EFCAB5: variants seen among roughly 807,000 people sequenced by gnomAD.
The protein encoded by EFCAB5 is EF-hand calcium binding domain 5, also known as EF-hand calcium-binding domain-containing protein 5.
Under a neutral mutation model 167.9 loss-of-function variants are expected in EFCAB5, and 131 were observed. That is an observed-to-expected ratio of 0.78 (90% CI 0.68 to 0.90). EFCAB5 has a LOEUF of 0.90. Among genes scored for constraint, EFCAB5 ranks in the 40% least tolerant of loss-of-function variants. The pLI is 0.00. For synonymous variants in EFCAB5, 574 were observed against 602.8 expected (o/e 0.95, Z 0.70); for missense variants, 1,663 against 1,745.2 (o/e 0.95, Z 0.84).
intron 22 of EFCAB5, among the ~76,000 whole-genome samples, chr17:30,104,329 G>T (rs2071418359): frequency 6.6e-6 from 1 of 152,172 alleles, no homozygotes; most frequent in Non-Finnish European, 1.5e-5. Context: ...AGTGTTAAAA[G>T]CAGGGATCCA....
At chr17:30,084,449 C>T (rs1325140316) in intron 18 of EFCAB5, among the ~76,000 whole-genome samples, 5 of 152,280 alleles carry the variant, frequency 3.3e-5, no homozygotes, top group African/African-American at 4.8e-5. Context: ...ATGACTTCAG[C>T]GGCTGTAAGT....
chr17:30,029,988 A>T lies in EFCAB5; in HGVS notation c.1045-4242A>T, dbSNP rs151085710. 4.1e-3 allele frequency among the ~76,000 whole-genome samples: 629 copies of T among 152,364 alleles called. 5 individuals carry two copies. Among genetic ancestry groups the T allele is most frequent in the African/African-American group, 0.014 (597 of 41,578 alleles). Reference sequence around the variant, plus strand: ...ACATAGAGATAACTTGACTAAGTACAGTTCAAATGTTTAACATCTCACAGA... The same window carrying T: ...ACATAGAGATAACTTGACTAAGTACTGTTCAAATGTTTAACATCTCACAGA... On this transcript the variant is annotated intron_variant, in intron 7 of 22. Transcript: ENST00000394835.
chr17:30,030,333 G>A (rs562344982), intron 7 of EFCAB5, among the ~76,000 whole-genome samples: 2 of 151,272 alleles, frequency 1.3e-5, no homozygotes, highest in Admixed American at 6.6e-5. Context: ...TCAGAAAAAG[G>A]TTTGTTTGTT....
At chr17:30,086,921 T>TGG in intron 18 of EFCAB5, 142 bp from the exon 19 acceptor site, 1 of 611,644 alleles carries the variant, frequency 1.6e-6, no homozygotes, top group Non-Finnish European at 2.7e-6. Context: ...TGTTCTCTAA[T>TGG]GGTACTAAGT....
At chr17:29,999,644 A>G (rs2068620115) in intron 6 of EFCAB5, among the ~76,000 whole-genome samples, 1 of 152,012 alleles carries the variant, frequency 6.6e-6, no homozygotes, top group Admixed American at 6.6e-5. Flanking sequence ...TGATGTGCAT[A>G]TTTATTTCTG....
chr17:29,994,176 A>ATATATATG (rs1491374562), intron 5 of EFCAB5, among the ~76,000 whole-genome samples: 4 of 120,788 alleles, frequency 3.3e-5, no homozygotes, highest in African/African-American at 1.3e-4. Context: ...ATATATATAT[A>ATATATATG]TGTGATATAT....
chr17:30,034,089 T>A, intron 7 of EFCAB5, 141 bp from the exon 8 acceptor site: 4 of 988,928 alleles, frequency 4.0e-6, no homozygotes, highest in Non-Finnish European at 4.3e-6. Context: ...AGCATGAAAA[T>A]GCTTCATCTA....
At chr17:30,085,995 C>A (rs772435849) in intron 18 of EFCAB5, among the ~76,000 whole-genome samples, 2 of 151,906 alleles carry the variant, frequency 1.3e-5, no homozygotes, top group Non-Finnish European at 2.9e-5. Context: ...AATTAGTTAT[C>A]TTTATTTTTA....
chr17:30,070,500 T>C (rs1213484024), intron 14 of EFCAB5, among the ~76,000 whole-genome samples: 2 of 151,956 alleles, frequency 1.3e-5, no homozygotes, highest in Non-Finnish European at 2.9e-5. Context: ...CATAGACCAA[T>C]GGAACAGAAT....
chr17:30,012,010 A>G (rs1285276639), intron 7 of EFCAB5, among the ~76,000 whole-genome samples: 3 of 152,154 alleles, frequency 2.0e-5, no homozygotes, highest in African/African-American at 7.2e-5. Flanking sequence ...CCATACAGAG[A>G]TAGGAGCTGA....
At chr17:30,071,972 T>G (rs953079411) in intron 14 of EFCAB5, among the ~76,000 whole-genome samples, 2 of 152,144 alleles carry the variant, frequency 1.3e-5, no homozygotes, top group African/African-American at 4.8e-5. Flanking sequence ...GAAAGTAGAA[T>G]AGTGATTACT....
Position 30,090,610 on chromosome 17 carries a change from C to A in EFCAB5, c.3873C>A (p.Val1291=). Residue 1291 remains valine (V), a synonymous_variant, in exon 20 of 23, where the codon GTC becomes GTA. Transcript: ENST00000394835. Reference sequence around the variant, plus strand: ...ATCTACAGAAAATGATGAAAGTGGTCCAAGTGGCCTGCTATGAAATACTTG... The same window carrying A: ...ATCTACAGAAAATGATGAAAGTGGTACAAGTGGCCTGCTATGAAATACTTG... ...YKDLQKMMKV[V]QVACYEILGE... The A allele has an allele frequency of 1.2e-6, 2 of 1,613,794 alleles. No homozygotes were observed. Among genetic ancestry groups the A allele is most frequent in the South Asian group, 2.2e-5 (2 of 91,058 alleles).
chr17:30,067,374 G>C (rs377407663), intron 14 of EFCAB5, among the ~76,000 whole-genome samples: 6 of 152,130 alleles, frequency 3.9e-5, no homozygotes, highest in Admixed American at 6.5e-5. Flanking sequence ...CAGCACTTTG[G>C]GGGGCCAGGG....
chr17:29,972,220 T>G (rs548487895), intron 4 of EFCAB5, among the ~76,000 whole-genome samples: 23 of 150,030 alleles, frequency 1.5e-4, no homozygotes, highest in African/African-American at 5.6e-4. Flanking sequence ...TTTTTTTTTT[T>G]TTGTATTTTT....
chr17:30,031,202 A>G (rs2069470969), intron 7 of EFCAB5, among the ~76,000 whole-genome samples: 1 of 152,190 alleles, frequency 6.6e-6, no homozygotes, highest in South Asian at 2.1e-4. Flanking sequence ...CAGATCATGT[A>G]GTTCAGTGGT....
At chr17:30,025,041 G>A (rs1290551761) in intron 7 of EFCAB5, among the ~76,000 whole-genome samples, 2 of 152,004 alleles carry the variant, frequency 1.3e-5, no homozygotes, top group East Asian at 3.9e-4. Flanking sequence ...ATTCAAGACG[G>A]ATTAAAGACT....
intron 14 of EFCAB5, among the ~76,000 whole-genome samples, chr17:30,072,286 A>G (rs2070758130): frequency 6.6e-6 from 1 of 152,340 alleles, no homozygotes; most frequent in African/African-American, 2.4e-5. Flanking sequence ...GTATGCATCA[A>G]TTAAAAATAA....
At chr17:30,027,190 T>G (rs2069349647) in intron 7 of EFCAB5, among the ~76,000 whole-genome samples, 1 of 150,978 alleles carries the variant, frequency 6.6e-6, no homozygotes, top group Admixed American at 6.6e-5. Context: ...TTTCACCGTG[T>G]TAGCCAGGAT....
At chr17:30,056,966 G>C (rs1256046742) in intron 12 of EFCAB5, among the ~76,000 whole-genome samples, 1 of 152,016 alleles carries the variant, frequency 6.6e-6, no homozygotes, top group African/African-American at 2.4e-5. Flanking sequence ...CATATAGAAG[G>C]TATAAGGGCA....
Sources: gnomAD v4.1 joint callset for allele counts (sites outside exome capture counted in the v4.1 genomes callset) on GRCh38, gnomAD v4.1.1 for gene constraint, MANE v1.5 for transcripts, NCBI Gene and HGNC (gene_info 2026-07-23, HGNC 2026-07-21) for gene names.